The following MRTFB variants were observed in gnomAD, a reference collection of about 807,000 sequenced individuals.
MRTFB encodes the protein myocardin-related transcription factor B.
In MRTFB, 29 loss-of-function variants were observed where a neutral mutation model predicts 104.2. That is an observed-to-expected ratio of 0.28 (90% CI 0.21 to 0.38). The LOEUF (loss-of-function observed/expected upper bound fraction) is 0.38, where lower values mean the gene tolerates loss of function less well. Ranked by LOEUF, MRTFB falls within the 10% of genes least tolerant of loss-of-function variation. The probability of loss-of-function intolerance (pLI) is 1.00; values close to 1 mark genes in which losing one functional copy is unlikely to be tolerated. For synonymous variants in MRTFB, 535 were observed against 519.5 expected (o/e 1.03, Z -0.41); for missense variants, 1,270 against 1,341.6 (o/e 0.95, Z 0.83).
At chr16:14,060,965 T>C in the MRTFB span, among the ~76,000 whole-genome samples, 1 of 151,892 alleles carries the variant, frequency 6.6e-6, no homozygotes, top group Non-Finnish European at 1.5e-5. Context: ...GCTAACACAG[T>C]GAAACCCTGT....
chr16:14,023,671 G>GTATA, the MRTFB span, among the ~76,000 whole-genome samples: 44 of 144,352 alleles, frequency 3.0e-4, no homozygotes, highest in African/African-American at 1.2e-3. Context: ...GTGTGTGTGT[G>GTATA]TGTGTCTATA....
In MRTFB at chr16:14,246,821, A is replaced by G. The variant is rs147723109; in HGVS notation, c.1561A>G (p.Asn521Asp). 25 of 1,613,020 alleles carry G rather than the reference A, an allele frequency of 1.5e-5. No individual in the cohort carries two copies. In the African/African-American group the frequency reaches 3.2e-4, roughly 21 times the overall value. The change falls in exon 12 of 17, where the codon AAC (asparagine) becomes GAC (aspartate). Residue 521 changes from asparagine (N) to aspartate (D), a missense_variant. Around this residue, in one of 3 missense-constraint regions of MRTFB, gnomAD observed 1,144 missense variants for 1,131.5 expected, o/e 1.01. Coordinates refer to ENST00000571589, the MANE Select transcript of MRTFB (RefSeq NM_001308142.2). ...EQSSLSTDDTNMADTFTEIMT... is the reference protein window; with the variant it reads ...EQSSLSTDDTDMADTFTEIMT... The stretch of plus-strand genomic sequence containing the variant: ...GTCCAGTCTCAGTACTGATGACACA[A>G]ACATGGCAGACACTTTCACCGAGAT...
the MRTFB span, among the ~76,000 whole-genome samples, chr16:14,023,014 A>G: frequency 6.6e-6 from 1 of 152,018 alleles, no homozygotes. Flanking sequence ...TTCTTATACC[A>G]CATGGTGCTA....
chr16:14,239,941 G>C (rs1437651078), intron 9 of MRTFB, among the ~76,000 whole-genome samples: 5 of 152,146 alleles, frequency 3.3e-5, no homozygotes, highest in African/African-American at 1.2e-4. Context: ...TAAGCACTTG[G>C]TAGTGTGTTC....
intron 12 of MRTFB, 167 bp downstream of exon 12, chr16:14,247,674 C>T (rs1374645512): frequency 3.1e-6 from 2 of 642,584 alleles, no homozygotes; most frequent in African/African-American, 1.8e-5. Flanking sequence ...GAATATCTAG[C>T]ACTGTTTTTA....
At chr16:14,029,772 G>A in the MRTFB span, among the ~76,000 whole-genome samples, 1 of 152,144 alleles carries the variant, frequency 6.6e-6, no homozygotes, top group Non-Finnish European at 1.5e-5. Context: ...TCTGAAGGCA[G>A]AGGTGAAGCA....
chr16:14,206,698 C>T (rs888935745), intron 3 of MRTFB, among the ~76,000 whole-genome samples: 8 of 152,140 alleles, frequency 5.3e-5, no homozygotes, highest in African/African-American at 1.9e-4. Flanking sequence ...CCTGCCACCT[C>T]GCCTGGCTAG....
the MRTFB span, among the ~76,000 whole-genome samples, chr16:14,006,439 A>T: frequency 9.2e-5 from 14 of 151,610 alleles, no homozygotes; most frequent in African/African-American, 3.2e-4. Flanking sequence ...TCGCTTGACC[A>T]GAGGCAGAGG....
At chr16:14,182,650 TGA>T (rs2039809812) in intron 3 of MRTFB, among the ~76,000 whole-genome samples, 1 of 152,150 alleles carries the variant, frequency 6.6e-6, no homozygotes, top group Admixed American at 6.5e-5. Flanking sequence ...CTTGCAGCAG[TGA>T]GCATACCTAG....
intron 3 of MRTFB, among the ~76,000 whole-genome samples, chr16:14,194,257 C>G (rs1382768921): frequency 6.6e-6 from 1 of 152,166 alleles, no homozygotes. Context: ...ACTTTTCTCA[C>G]AGTTCTGGAG....
At chr16:14,006,737 T>C in the MRTFB span, among the ~76,000 whole-genome samples, 1 of 151,914 alleles carries the variant, frequency 6.6e-6, no homozygotes, top group Admixed American at 6.6e-5. Flanking sequence ...CTTTATTAGC[T>C]GGGTGTGGTG....
intron 16 of MRTFB, among the ~76,000 whole-genome samples, chr16:14,259,468 A>G (rs1393121084): frequency 3.3e-5 from 5 of 151,134 alleles, no homozygotes; most frequent in Non-Finnish European, 7.4e-5. Context: ...TAGTTACAAG[A>G]CTAGTTACTT....
intron 3 of MRTFB, 80 bp downstream of exon 3, chr16:14,140,840 TA>T: frequency 6.4e-7 from 1 of 1,569,802 alleles, no homozygotes; most frequent in Non-Finnish European, 8.7e-7. Context: ...TGTTTGGTAG[TA>T]ATATTTTGGT....
the MRTFB span, among the ~76,000 whole-genome samples, chr16:14,028,671 T>C: frequency 6.6e-6 from 1 of 152,150 alleles, no homozygotes; most frequent in Admixed American, 6.5e-5. Context: ...TAGGCCTGGG[T>C]TGGAGTCCCA....
chr16:14,249,453 A>C (rs1170196010), intron 13 of MRTFB, among the ~76,000 whole-genome samples: 1 of 152,222 alleles, frequency 6.6e-6, no homozygotes, highest in East Asian at 1.9e-4. Flanking sequence ...AAGGTATTTG[A>C]AGATGAAAAA....
the MRTFB span, among the ~76,000 whole-genome samples, chr16:14,004,618 T>G: frequency 1.3e-5 from 2 of 152,080 alleles, no homozygotes; most frequent in South Asian, 4.1e-4. Context: ...CACAAAGACT[T>G]TGGATGACAT....
chr16:14,168,265 A>G (rs2039314448), intron 3 of MRTFB, among the ~76,000 whole-genome samples: 1 of 151,206 alleles, frequency 6.6e-6, no homozygotes, highest in Admixed American at 6.6e-5. Flanking sequence ...ATATATAACA[A>G]AATGCACAAA....
chr16:14,261,355 T>G lies in MRTFB; in HGVS notation c.3211T>G (p.Ser1071Ala), dbSNP rs1487768865. Residue 1071 changes from serine (S) to alanine (A), a missense_variant, in exon 17 of 17, where the codon TCA (serine) becomes GCA (alanine). Transcript: ENST00000571589. ...GGACATTACCATGCCCAACTCCTCT[T>G]CAGGACTCACTCCTCTCAGCACCAC... is the stretch of plus-strand genomic sequence containing the variant. ...WLDITMPNSS[S>A]GLTPLSTTAP... The G allele has an allele frequency of 6.2e-7, 1 of 1,614,022 alleles. No individual in the cohort carries two copies. Among genetic ancestry groups the G allele is most frequent in the African/African-American group, 1.3e-5 (1 of 74,922 alleles).
the MRTFB span, among the ~76,000 whole-genome samples, chr16:14,040,466 C>CT: frequency 0.69 from 99,059 of 144,458 alleles, 37,981 homozygotes; most frequent in East Asian, 0.98. Context: ...ATTACTAAAT[C>CT]TTTTTTTTTT....
Sources: allele counts gnomAD v4.1 joint callset (sites outside exome capture counted in the v4.1 genomes callset), GRCh38; gene constraint gnomAD v4.1.1; regional missense constraint gnomAD v4.1.1; transcripts MANE v1.5; gene names NCBI Gene and HGNC (gene_info 2026-07-23, HGNC 2026-07-21).